Variants in ELMO1 observed in about 807,000 individuals in gnomAD.
ELMO1 encodes engulfment and cell motility 1.
A neutral mutation model predicts 98.9 loss-of-function variants in ELMO1; 26 were observed. That is an observed-to-expected ratio of 0.26 (90% CI 0.19 to 0.36). ELMO1 has a LOEUF of 0.36. Ranked by LOEUF, ELMO1 falls within the 10% of genes least tolerant of loss-of-function variation. The pLI is 1.00. For synonymous variants in ELMO1, 346 were observed against 346.0 expected (o/e 1.00, Z 0.00); for missense variants, 627 against 935.2 (o/e 0.67, Z 4.30).
At chr7:37,210,732 A>G (rs893373911) in intron 13 of ELMO1, among the ~76,000 whole-genome samples, 26 of 152,170 alleles carry the variant, frequency 1.7e-4, no homozygotes, top group African/African-American at 6.0e-4. Flanking sequence ...GGGGATTAAA[A>G]TTGAAATCCA....
At chr7:37,440,589 T>C (rs941230629) in intron 1 of ELMO1, among the ~76,000 whole-genome samples, 1 of 151,510 alleles carries the variant, frequency 6.6e-6, no homozygotes, top group African/African-American at 2.4e-5. Flanking sequence ...ACCAACATGG[T>C]GAAACCCCAT....
chr7:37,181,474 C>T (rs149784364), intron 13 of ELMO1, among the ~76,000 whole-genome samples: 2 of 152,082 alleles, frequency 1.3e-5, no homozygotes, highest in East Asian at 1.9e-4. Flanking sequence ...GGCCTTTGAG[C>T]GTCCTTGTAT....
intron 13 of ELMO1, among the ~76,000 whole-genome samples, chr7:37,185,156 G>A (rs1791125687): frequency 6.6e-6 from 1 of 152,162 alleles, no homozygotes; most frequent in Non-Finnish European, 1.5e-5. Context: ...GCAAAGGATC[G>A]ACAGATTAAG....
chr7:36,865,465 A>G (rs1336577717), intron 20 of ELMO1, among the ~76,000 whole-genome samples: 1 of 152,218 alleles, frequency 6.6e-6, no homozygotes, highest in East Asian at 1.9e-4. Flanking sequence ...GCCCCAATCT[A>G]TCTTAGCAGC....
chr7:37,164,888 G>A (rs1183535657), intron 13 of ELMO1, among the ~76,000 whole-genome samples: 12 of 151,408 alleles, frequency 7.9e-5, no homozygotes, highest in Admixed American at 7.3e-4. Context: ...GTCATTGGTA[G>A]CTTGATGGGG....
At position 37,126,782 on chromosome 7, in the gene ELMO1, G is replaced by T. The variant is rs151228316; in HGVS notation, c.1191+6348C>A. Among the ~76,000 whole-genome samples, 154 of 152,318 alleles carry T rather than the reference G, an allele frequency of 1.0e-3. 2 individuals carry two copies. Among genetic ancestry groups the T allele is most frequent in the African/African-American group, 3.5e-3 (146 of 41,578 alleles). On this transcript the variant is annotated intron_variant, in intron 14 of 21. Coordinates refer to ENST00000310758, the MANE Select transcript of ELMO1 (RefSeq NM_014800.11). ...ACTGCGCATGGCTCCACGCAGGCACGTGGTAGGTGTTTGATAATATTTCAT... is the reference window on the plus strand; with the variant it reads ...ACTGCGCATGGCTCCACGCAGGCACTTGGTAGGTGTTTGATAATATTTCAT...
At chr7:37,160,577 G>A (rs1246067816) in intron 13 of ELMO1, among the ~76,000 whole-genome samples, 1 of 152,156 alleles carries the variant, frequency 6.6e-6, no homozygotes, top group East Asian at 1.9e-4. Flanking sequence ...GTTTAAAGCT[G>A]CCATAGGTAC....
intron 1 of ELMO1, among the ~76,000 whole-genome samples, chr7:37,397,330 G>A (rs1429477750): frequency 6.6e-6 from 1 of 152,136 alleles, no homozygotes; most frequent in Non-Finnish European, 1.5e-5. Flanking sequence ...GAAATATTTA[G>A]TTCTCAAAGG....
intron 19 of ELMO1, among the ~76,000 whole-genome samples, chr7:36,875,396 A>T (rs1266096253): frequency 6.6e-6 from 1 of 152,118 alleles, no homozygotes; most frequent in African/African-American, 2.4e-5. Flanking sequence ...TCTCTCTCTC[A>T]CACACACACT....
intron 1 of ELMO1, among the ~76,000 whole-genome samples, chr7:37,343,754 C>A (rs547659873): frequency 6.6e-6 from 1 of 152,166 alleles, no homozygotes; most frequent in Admixed American, 6.5e-5. Context: ...CGATTACAGG[C>A]GTGAGCCACC....
chr7:36,875,635 T>G (rs745530717), intron 19 of ELMO1, among the ~76,000 whole-genome samples: 5 of 152,288 alleles, frequency 3.3e-5, no homozygotes, highest in Middle Eastern at 3.4e-3. Context: ...TGTGGAGATT[T>G]GCAGCTCTGG....
intron 1 of ELMO1, among the ~76,000 whole-genome samples, chr7:37,379,784 C>T (rs1802510732): frequency 6.6e-6 from 1 of 152,142 alleles, no homozygotes; most frequent in Non-Finnish European, 1.5e-5. Context: ...ATTTACAACC[C>T]AGGCCACCGC....
At chr7:36,969,039 G>A (rs536564533) in intron 16 of ELMO1, among the ~76,000 whole-genome samples, 10 of 151,948 alleles carry the variant, frequency 6.6e-5, no homozygotes, top group African/African-American at 2.4e-4. Flanking sequence ...ATTTATTGAG[G>A]ATCTTTAGCC....
At chr7:37,329,327 A>G (rs79695276) in intron 2 of ELMO1, among the ~76,000 whole-genome samples, 2,452 of 152,300 alleles carry the variant, frequency 0.016, 75 homozygotes, top group African/African-American at 0.056. Context: ...ATATTTTGAT[A>G]CATGTGTACA....
At chr7:37,172,771 C>G (rs886970448) in intron 13 of ELMO1, among the ~76,000 whole-genome samples, 1 of 152,178 alleles carries the variant, frequency 6.6e-6, no homozygotes, top group Non-Finnish European at 1.5e-5. Flanking sequence ...AAATTGCTAT[C>G]TTCCTTACAA....
At chr7:37,356,507 A>G (rs1207189160) in intron 1 of ELMO1, among the ~76,000 whole-genome samples, 1 of 152,196 alleles carries the variant, frequency 6.6e-6, no homozygotes, top group Non-Finnish European at 1.5e-5. Context: ...TATTCTCAGC[A>G]AACTAACACA....
intron 2 of ELMO1, among the ~76,000 whole-genome samples, chr7:37,322,518 G>A (rs1799572886): frequency 6.6e-6 from 1 of 151,856 alleles, no homozygotes; most frequent in African/African-American, 2.4e-5. Flanking sequence ...TTGGGAAGCT[G>A]AGGCAGGCAG....
rs142757078 is a variant in ELMO1, at chr7:37,211,391, A to G, written c.1081T>C (p.Phe361Leu). 6.2e-7 allele frequency: 1 copy of G among 1,613,964 alleles called. No homozygotes were observed. The highest frequency in any genetic ancestry group is 8.5e-7 in the Non-Finnish European group (1 of 1,179,916). Residue 361 changes from phenylalanine (F) to leucine (L), a missense_variant, in exon 13 of 22, where the codon TTC becomes CTC. By Grantham distance (22) the Phe-to-Leu change is conservative. Around this residue, in one of 3 missense-constraint regions of ELMO1, gnomAD observed 492 missense variants for 715.6 expected, o/e 0.69. Coordinates refer to ENST00000310758, the MANE Select transcript of ELMO1 (RefSeq NM_014800.11). ...ACTGGAGATAGCTTACTTACAATGA[A>G]CCCAAGCTTCTTATAATCTCGCGTG... ...MYTRDYKKLG[F>L]INHVNPAMDF...
chr7:37,136,455 T>G lies in ELMO1; in HGVS notation c.1087-3221A>C, dbSNP rs115081413. 5.9e-3 allele frequency among the ~76,000 whole-genome samples: 891 copies of G among 152,090 alleles called. 11 individuals are homozygous for G. The highest frequency in any genetic ancestry group is 0.02 in the African/African-American group (828 of 41,500). On this transcript the variant is annotated intron_variant, in intron 13 of 21. Transcript: ENST00000310758. The stretch of plus-strand genomic sequence containing the variant: ...AATCTAAAGTTAAGACAAAAGAAAA[T>G]CTGAAGAGCAGTGAGGCAAAAGTAT...
Sources: allele counts gnomAD v4.1 joint callset (sites outside exome capture counted in the v4.1 genomes callset), GRCh38; gene constraint gnomAD v4.1.1; regional missense constraint gnomAD v4.1.1; transcripts MANE v1.5; gene names NCBI Gene and HGNC (gene_info 2026-07-23, HGNC 2026-07-21).